The following CSF3R variants were observed in gnomAD, a reference collection of about 807,000 sequenced individuals.
CSF3R encodes the protein granulocyte colony-stimulating factor receptor.
CSF3R carries 52 observed loss-of-function variants against 84.4 expected under a neutral mutation model. The observed-to-expected ratio is 0.62, with a 90% CI of 0.49 to 0.78. CSF3R has a LOEUF of 0.78. Among genes scored for constraint, CSF3R ranks in the 30% least tolerant of loss-of-function variants. CSF3R has a pLI of 0.00. For missense variants in CSF3R, 890 were observed against 1,055.7 expected, an observed-to-expected ratio of 0.84 and a Z score of 2.17; for synonymous variants, 384 against 429.1, an observed-to-expected ratio of 0.89 and a Z score of 1.30.
chr1:36,470,808 A>AGT lies in CSF3R; in HGVS notation c.1285+623_1285+624dup, dbSNP rs139134824. ...GGCTTTCTTGGCAGAATGGGCTGTG[A>AGT]GTGTGTGTGTGTGTGAGAGAGAGAG... is the stretch of plus-strand genomic sequence containing the variant. On this transcript the variant is annotated intron_variant, in intron 10 of 16. Coordinates refer to ENST00000373106, the MANE Select transcript of CSF3R (RefSeq NM_000760.4). Among the ~76,000 whole-genome samples the AGT allele has an allele frequency of 0.019, 2,939 of 151,756 alleles. 280 individuals carry two copies. The East Asian group carries it at 0.3, about 15-fold the overall frequency.
In CSF3R at chr1:36,472,154, A is replaced by G; in HGVS notation, c.998-15T>C. 1 of 1,614,000 alleles carries G rather than the reference A, an allele frequency of 6.2e-7. No homozygotes were observed. Among genetic ancestry groups the G allele is most frequent in the African/African-American group, 1.3e-5 (1 of 75,022 alleles). On this transcript the variant is annotated splice_polypyrimidine_tract_variant and intron_variant, in intron 8 of 16. Transcript: ENST00000373106. This position sits in a 1 kb window ranked among gnomAD's most constrained non-coding sequence, Gnocchi z 5.0. ...GACAGTGGGGGCTGTGGATGGAACA[A>G]GAAGAGGGGGTGCCAGTTGGGGAGG...
intron 10 of CSF3R, 24 bp downstream of exon 10, chr1:36,471,409 C>T (rs193227260): frequency 6.3e-5 from 102 of 1,607,814 alleles, no homozygotes; most frequent in Non-Finnish European, 6.9e-5. Flanking sequence ...CCTCTGTGCT[C>T]TTCTGGCTGC....
At chr1:36,480,189 C>A (rs569684436) in intron 2 of CSF3R, 319 of 161,650 alleles carry the variant, frequency 2.0e-3, no homozygotes, top group Non-Finnish European at 3.2e-3. Context: ...GTTGGGCATG[C>A]ATGAGTACTA....
At position 36,472,313 on chromosome 1, in the gene CSF3R, G is replaced by T; in HGVS notation, c.922C>A (p.Arg308Ser). 6.2e-7 allele frequency: 1 copy of T among 1,614,206 alleles called. No individual in the cohort carries two copies. Among genetic ancestry groups the T allele is most frequent in the Non-Finnish European group, 8.5e-7 (1 of 1,180,024 alleles). ...LPATAYTLQI[R>S]CIRWPLPGHW... is the part of the protein sequence containing the mutation. Reference sequence around the variant, plus strand: ...CCAGGCAGGGGCCAGCGGATGCAGCGTATCTGCAGGGTGTAGGCCGTGGCT... The same window carrying T: ...CCAGGCAGGGGCCAGCGGATGCAGCTTATCTGCAGGGTGTAGGCCGTGGCT... The change falls in exon 8 of 17, where the codon CGC (arginine) becomes AGC (serine). Residue 308 changes from arginine to serine, a missense_variant. Arg to Ser is a moderately radical substitution (Grantham distance 110). Transcript: ENST00000373106. This position sits in a 1 kb window ranked among gnomAD's most constrained non-coding sequence, Gnocchi z 5.0.
intron 3 of CSF3R, 180 bp from the exon 4 acceptor site, chr1:36,475,853 A>G (rs1651114674): frequency 3.3e-6 from 2 of 614,442 alleles, no homozygotes; most frequent in Admixed American, 3.0e-5. Flanking sequence ...GGTGACACAG[A>G]GATAGTGATG....
intron 2 of CSF3R, among the ~76,000 whole-genome samples, chr1:36,480,433 C>A (rs559967892): frequency 2.0e-5 from 3 of 152,332 alleles, no homozygotes; most frequent in East Asian, 3.9e-4. Context: ...ATCATGAGGT[C>A]ACGGCCATAG....
chr1:36,474,723 G>T (rs1651014328), intron 4 of CSF3R, among the ~76,000 whole-genome samples: 1 of 152,108 alleles, frequency 6.6e-6, no homozygotes, highest in Admixed American at 6.5e-5. Flanking sequence ...ACTGGGGTGG[G>T]GGACAAGCCC....
Position 36,466,612 on chromosome 1 carries a change from A to G in CSF3R, c.2256T>C (p.Tyr752=), listed in dbSNP as rs767965767. 6.2e-7 allele frequency: 1 copy of G among 1,613,804 alleles called. No homozygotes were observed. The highest frequency in any genetic ancestry group is 8.5e-7 in the Non-Finnish European group (1 of 1,179,806). The change falls in exon 17 of 17, where the codon TAT becomes TAC. Residue 752 remains tyrosine (Y), a synonymous_variant. Coordinates refer to ENST00000373106, the MANE Select transcript of CSF3R (RefSeq NM_000760.4). This position sits in a 1 kb window ranked among gnomAD's most constrained non-coding sequence, Gnocchi z 4.6. Reference sequence around the variant, plus strand: ...TTGTGGGGCTGCCCAGCAGCTGCCCATAAAGGACCTGATCGCTGGTGCCAG... The same window carrying G: ...TTGTGGGGCTGCCCAGCAGCTGCCCGTAAAGGACCTGATCGCTGGTGCCAG... The part of the protein sequence containing the change: ...SQSGTSDQVL[Y]GQLLGSPTSP...
At position 36,479,437 on chromosome 1, in the gene CSF3R, G is replaced by A. The variant is rs773341373; in HGVS notation, c.60C>T (p.Pro20=). ...CTCATCCTTGGCCATACTCACTTCC[G>A]GGGAGCAGCAGGATGATCAGGGCAG... The part of the protein sequence containing the change: ...TWAALIILLL[P]GSLEECGHIS... Residue 20 remains proline (P), a synonymous_variant, in exon 3 of 17, where the codon CCC becomes CCT. Transcript: ENST00000373106. 2.9e-5 allele frequency: 47 copies of A among 1,614,098 alleles called. No homozygotes were observed. Among genetic ancestry groups the A allele is most frequent in the Middle Eastern group, 1.6e-4 (1 of 6,062 alleles).
In CSF3R at chr1:36,472,794, A is replaced by C. The variant is rs575423642; in HGVS notation, c.674-108T>G. 7.6e-7 allele frequency: 1 copy of C among 1,312,816 alleles called. No homozygotes were observed. The highest frequency in any genetic ancestry group is 1.5e-5 in the South Asian group (1 of 64,704). The allele number at this position is 1,312,816 out of a possible 1,614,324, so 81.3% of individuals were successfully genotyped here. A position where few individuals can be genotyped will look rare whatever the true frequency, so the allele number is the denominator to read the frequency against. On this transcript the variant is annotated intron_variant, in intron 6 of 16. Transcript: ENST00000373106. The surrounding 1 kb of genome is among the most constrained non-coding windows in gnomAD (Gnocchi z 5.0). ...TGGTTCACCATCTGTCCACGTTGCC[A>C]ATGACACGTTTCTGTGGTTCGATCT...
intron 10 of CSF3R, among the ~76,000 whole-genome samples, chr1:36,470,987 G>A (rs1342616993): frequency 1.3e-5 from 2 of 152,158 alleles, no homozygotes; most frequent in Non-Finnish European, 2.9e-5. Context: ...AACAGAGGCC[G>A]GGGATGGGAG....
At chr1:36,468,585 G>T in intron 12 of CSF3R, 1 of 219,636 alleles carries the variant, frequency 4.6e-6, no homozygotes, top group African/African-American at 2.3e-5. Flanking sequence ...CCAGGCTGGA[G>T]TGCAGTGGCG....
At chr1:36,469,315 A>C in intron 11 of CSF3R, 58 bp from the exon 12 acceptor site, 1 of 1,371,440 alleles carries the variant, frequency 7.3e-7, no homozygotes, top group Non-Finnish European at 1.0e-6. Flanking sequence ...GCTAATGATC[A>C]GGAGCTAGCC....
chr1:36,478,339 G>A (rs1651295124), intron 3 of CSF3R, among the ~76,000 whole-genome samples: 1 of 151,802 alleles, frequency 6.6e-6, no homozygotes, highest in Non-Finnish European at 1.5e-5. Flanking sequence ...GACCAGCCTG[G>A]CCAACATGGT....
intron 4 of CSF3R, among the ~76,000 whole-genome samples, chr1:36,474,811 A>G (rs1651020164): frequency 6.6e-6 from 1 of 152,024 alleles, no homozygotes; most frequent in South Asian, 2.1e-4. Flanking sequence ...TGGTCACAAC[A>G]CTGGCTTTAG....
At chr1:36,474,584 G>A (rs1189945412) in intron 4 of CSF3R, among the ~76,000 whole-genome samples, 1 of 151,874 alleles carries the variant, frequency 6.6e-6, no homozygotes, top group Non-Finnish European at 1.5e-5. Flanking sequence ...CAAAGTGCTG[G>A]GATTACAGGT....
chr1:36,469,291 A>G, intron 11 of CSF3R, 34 bp from the exon 12 acceptor site: 2 of 1,525,594 alleles, frequency 1.3e-6, no homozygotes, highest in Non-Finnish European at 1.8e-6. Context: ...CACTTCTGTT[A>G]GGGCCTAACC....
At chr1:36,475,273 C>T in intron 4 of CSF3R, 104 bp downstream of exon 4, 1 of 1,424,276 alleles carries the variant, frequency 7.0e-7, no homozygotes. Flanking sequence ...TCCCAAAGTG[C>T]TGGGAATACA....
At chr1:36,479,188 A>G (rs966035105) in intron 3 of CSF3R, 2 of 579,316 alleles carry the variant, frequency 3.5e-6, no homozygotes, top group African/African-American at 3.7e-5. Flanking sequence ...TGCGGACAAG[A>G]TCTGCGCCTC....
Sources: gnomAD v4.1 joint callset for allele counts (sites outside exome capture counted in the v4.1 genomes callset) on GRCh38, gnomAD v4.1.1 for gene constraint, Gnocchi (gnomAD v3.1) non-coding constraint, MANE v1.5 for transcripts, NCBI Gene and HGNC (gene_info 2026-07-23, HGNC 2026-07-21) for gene names.